ATP2A1: variants seen among roughly 807,000 people sequenced by gnomAD.
ATP2A1 encodes ATPase sarcoplasmic/endoplasmic reticulum Ca2+ transporting 1, also known as sarcoplasmic/endoplasmic reticulum calcium ATPase 1.
Under a neutral mutation model 109.5 loss-of-function variants are expected in ATP2A1, and 83 were observed. The ratio of observed to expected loss-of-function variants is 0.76; its 90% CI spans 0.63 to 0.91. The LOEUF is 0.91. ATP2A1 is among the 40% of genes least tolerant of loss of function. The pLI is 0.00. For missense variants in ATP2A1, 1,101 were observed against 1,341.0 expected, an observed-to-expected ratio of 0.82 and a Z score of 2.80; for synonymous variants, 505 against 537.6, an observed-to-expected ratio of 0.94 and a Z score of 0.84.
chr16:28,884,275 C>T (rs1007473035), intron 5 of ATP2A1, among the ~76,000 whole-genome samples: 3 of 152,172 alleles, frequency 2.0e-5, no homozygotes, highest in Non-Finnish European at 4.4e-5. Context: ...GAGCAGTACA[C>T]CTGCCCATCC....
chr16:28,879,140 T>A (rs1441691360), intron 2 of ATP2A1, 24 bp downstream of exon 2: 2 of 1,613,688 alleles, frequency 1.2e-6, no homozygotes, highest in Admixed American at 1.7e-5. Flanking sequence ...ATCCCTGAAC[T>A]CTCATAAATG....
Position 28,887,484 on chromosome 16 carries a change from C to G in ATP2A1, c.690C>G (p.Thr230=). 1.2e-6 allele frequency: 2 copies of G among 1,614,046 alleles called. No individual in the cohort carries two copies. Among genetic ancestry groups the G allele is most frequent in the South Asian group, 1.1e-5 (1 of 91,074 alleles). Reference sequence around the variant, plus strand: ...TCGTGGCCACCACTGGTGTGGGCACCGAGATTGGGAAGATCCGAGACCAAA... The same window carrying G: ...TCGTGGCCACCACTGGTGTGGGCACGGAGATTGGGAAGATCCGAGACCAAA... ...LGIVATTGVG[T]EIGKIRDQMA... is the part of the protein sequence containing the mutation. Residue 230 remains threonine (T), a synonymous_variant, in exon 8 of 23, where the codon ACC becomes ACG. Coordinates refer to ENST00000395503, the MANE Select transcript of ATP2A1 (RefSeq NM_004320.6).
At chr16:28,887,391 T>C (rs748859405) in intron 7 of ATP2A1, 34 bp from the exon 8 acceptor site, 1 of 1,613,888 alleles carries the variant, frequency 6.2e-7, no homozygotes, top group Non-Finnish European at 8.5e-7. Flanking sequence ...GGTCACCTCT[T>C]GCCTGATTCC....
chr16:28,897,895 C>A, intron 12 of ATP2A1, 105 bp from the exon 13 acceptor site: 1 of 1,429,218 alleles, frequency 7.0e-7, no homozygotes, highest in Non-Finnish European at 9.8e-7. Flanking sequence ...CTATAGGGAC[C>A]AGACTTAGTG....
At chr16:28,890,474 CCT>C (rs1438457590) in intron 9 of ATP2A1, among the ~76,000 whole-genome samples, 1 of 151,212 alleles carries the variant, frequency 6.6e-6, no homozygotes, top group Non-Finnish European at 1.5e-5. Flanking sequence ...AGAGCGAGAC[CCT>C]GTCTCACGCA....
At position 28,902,560 on chromosome 16, in the gene ATP2A1, C is replaced by T. The variant is rs751422462; in HGVS notation, c.2525-20C>T. ...CTATCTCCCCAGCCCTGACCCCCGACTCCCCTCTCTCCACCACAGGCTATG... is the reference window on the plus strand; with the variant it reads ...CTATCTCCCCAGCCCTGACCCCCGATTCCCCTCTCTCCACCACAGGCTATG... On this transcript the variant is annotated intron_variant, in intron 17 of 22. Transcript: ENST00000395503. The surrounding 1 kb of genome is among the most constrained non-coding windows in gnomAD (Gnocchi z 4.8). 1 of 1,612,986 alleles carries T rather than the reference C, an allele frequency of 6.2e-7. No homozygotes were observed. The highest frequency in any genetic ancestry group is 1.7e-5 in the Admixed American group (1 of 60,010).
rs1363027614 is a variant in ATP2A1 at position 28,880,439 on chromosome 16, GGC to G, written c.220-469_220-468del. On this transcript the variant is annotated intron_variant, in intron 3 of 22. Transcript: ENST00000395503. The surrounding 1 kb of genome is among the most constrained non-coding windows in gnomAD (Gnocchi z 4.2). The stretch of plus-strand genomic sequence containing the variant: ...CTGGCGGTGGCAACAGCTGGGGCGG[GGC>G]GCGCGCAGGAGGCCCCGTAACCCTA... Among the ~76,000 whole-genome samples the G allele has an allele frequency of 6.6e-6, 1 of 152,316 alleles. No individual in the cohort carries two copies. The highest frequency in any genetic ancestry group is 1.5e-5 in the Non-Finnish European group (1 of 68,022).
Position 28,903,621 on chromosome 16 carries a change from C to T in ATP2A1, c.2981-79C>T, listed in dbSNP as rs1207730485. On this transcript the variant is annotated intron_variant, in intron 21 of 22. Coordinates refer to ENST00000395503, the MANE Select transcript of ATP2A1 (RefSeq NM_004320.6). The surrounding 1 kb of genome is among the most constrained non-coding windows in gnomAD (Gnocchi z 5.6). ...ATCTCCGGGGCAGCCCCACTGCCTCCTCAGCCCCCACAGCCCCTATAGCCC... is the reference window on the plus strand; with the variant it reads ...ATCTCCGGGGCAGCCCCACTGCCTCTTCAGCCCCCACAGCCCCTATAGCCC... 2.4e-6 allele frequency: 3 copies of T among 1,259,272 alleles called. No homozygotes were observed. The highest frequency in any genetic ancestry group is 1.7e-5 in the Admixed American group (1 of 59,498). 78.0% of individuals were successfully genotyped at this position (1,259,272 alleles called of 1,614,324 possible). A position where few individuals can be genotyped will look rare whatever the true frequency, so the allele number is the denominator to read the frequency against.
chr16:28,878,752 C>G lies in ATP2A1; in HGVS notation c.81C>G (p.Asp27Glu), dbSNP rs769142323. The change falls in exon 1 of 23, where the codon GAC becomes GAG. Residue 27 changes from aspartate (D) to glutamate (E), a missense_variant. Coordinates refer to ENST00000395503, the MANE Select transcript of ATP2A1 (RefSeq NM_004320.6). ...GTGAGACCACGGGCCTCACCCCGGACCAAGTTAAGCGGAATCTGGAGAAAT... is the reference window on the plus strand; with the variant it reads ...GTGAGACCACGGGCCTCACCCCGGAGCAAGTTAAGCGGAATCTGGAGAAAT... ...GVSETTGLTP[D>E]QVKRNLEKYG... 6 of 1,613,722 alleles carry G rather than the reference C, an allele frequency of 3.7e-6. No individual in the cohort carries two copies. Among genetic ancestry groups the G allele is most frequent in the Non-Finnish European group, 5.1e-6 (6 of 1,179,920 alleles).
rs757474411 is a variant in ATP2A1, at chr16:28,898,066, G to A, written c.1486G>A (p.Val496Ile). Residue 496 changes from valine to isoleucine, a missense_variant, in exon 13 of 23, where the codon GTC becomes ATC. Physicochemically the swap from Val to Ile is conservative, Grantham distance 29. Coordinates refer to ENST00000395503, the MANE Select transcript of ATP2A1 (RefSeq NM_004320.6). The surrounding 1 kb of genome is among the most constrained non-coding windows in gnomAD (Gnocchi z 4.0). Reference protein sequence around the residue: ...EFSRDRKSMSVYCSPAKSSRA... With the variant: ...EFSRDRKSMSIYCSPAKSSRA... Reference sequence around the variant, plus strand: ...CTCCCGAGACAGAAAGTCCATGTCTGTCTATTGCTCCCCAGCCAAATCTTC... The same window carrying A: ...CTCCCGAGACAGAAAGTCCATGTCTATCTATTGCTCCCCAGCCAAATCTTC... 4 of 1,614,052 alleles carry A rather than the reference G, an allele frequency of 2.5e-6. No individual in the cohort carries two copies. The African/African-American group carries it at 5.3e-5, about 22-fold the overall frequency.
intron 9 of ATP2A1, 47 bp downstream of exon 9, chr16:28,889,000 G>A: frequency 6.2e-7 from 1 of 1,607,164 alleles, no homozygotes; most frequent in Non-Finnish European, 8.5e-7. Flanking sequence ...GCTGCCTGTG[G>A]GGGTTAAATG....
At chr16:28,899,865 C>T (rs1028139278) in intron 14 of ATP2A1, among the ~76,000 whole-genome samples, 15 of 148,208 alleles carry the variant, frequency 1.0e-4, no homozygotes, top group African/African-American at 3.7e-4. Flanking sequence ...GAGGCTGAGG[C>T]GGAGAATCGC....
In ATP2A1 at chr16:28,879,532, G is replaced by T; in HGVS notation, c.168G>T (p.Gln56His). 6.2e-7 allele frequency: 1 copy of T among 1,614,202 alleles called. No homozygotes were observed. Among genetic ancestry groups the T allele is most frequent in the Non-Finnish European group, 8.5e-7 (1 of 1,180,026 alleles). ...GKTLWELVIE[Q>H]FEDLLVRILL... ...CCCTGTGGGAGCTGGTGATAGAGCAGTTTGAAGACCTCCTGGTGCGGATTC... is the reference window on the plus strand; with the variant it reads ...CCCTGTGGGAGCTGGTGATAGAGCATTTTGAAGACCTCCTGGTGCGGATTC... The change falls in exon 3 of 23, where the codon CAG (glutamine) becomes CAT (histidine). Residue 56 changes from glutamine to histidine, a missense_variant. Gln to His is a conservative substitution (Grantham distance 24, BLOSUM62 0). Transcript: ENST00000395503.
intron 9 of ATP2A1, among the ~76,000 whole-genome samples, chr16:28,889,840 T>C (rs924166134): frequency 6.6e-6 from 1 of 152,192 alleles, no homozygotes; most frequent in African/African-American, 2.4e-5. Flanking sequence ...ATATTTCAAA[T>C]GTATATTAAT....
intron 15 of ATP2A1, among the ~76,000 whole-genome samples, chr16:28,901,559 G>C (rs2152214045): frequency 6.6e-6 from 1 of 152,260 alleles, no homozygotes; most frequent in Admixed American, 6.5e-5. Context: ...CTTGAACCTG[G>C]GAGGCGGAGG....
rs777301006 is a variant in ATP2A1 at position 28,894,843 on chromosome 16, G to T, written c.1309G>T (p.Val437Phe). The T allele has an allele frequency of 6.3e-7, 1 of 1,580,232 alleles. No individual in the cohort carries two copies. ...FNEAKGVYEK[V>F]GEATETALTT... ...TCAGGCCAAAGGTGTCTATGAGAAG[G>T]TCGGCGAGGCCACCGAGACAGCACT... Residue 437 changes from valine to phenylalanine, a missense_variant, in exon 12 of 23, where the codon GTC becomes TTC. Coordinates refer to ENST00000395503, the MANE Select transcript of ATP2A1 (RefSeq NM_004320.6).
intron 6 of ATP2A1, among the ~76,000 whole-genome samples, 178 bp downstream of exon 6, chr16:28,884,833 G>A (rs1452213729): frequency 6.6e-6 from 1 of 152,176 alleles, no homozygotes; most frequent in Non-Finnish European, 1.5e-5. Context: ...CTGTAGTCCT[G>A]ACTACTCAGG....
intron 4 of ATP2A1, among the ~76,000 whole-genome samples, chr16:28,882,031 G>A (rs1372791602): frequency 1.3e-5 from 2 of 150,674 alleles, no homozygotes; most frequent in Non-Finnish European, 2.9e-5. Flanking sequence ...TCTGCCTCCA[G>A]GTTCTGGTGA....
In ATP2A1 at chr16:28,902,408, A is replaced by G. The variant is rs199694107; in HGVS notation, c.2524+22A>G. 3.2e-5 allele frequency: 52 copies of G among 1,612,468 alleles called. No individual in the cohort carries two copies. In the East Asian group the frequency reaches 6.2e-4, roughly 19 times the overall value. ...GGGGGTGAGCTGGAGGGGTTCCTCG[A>G]TCCTCCCCACCCCTTGGGACTAACC... On this transcript the variant is annotated intron_variant, in intron 17 of 22. Coordinates refer to ENST00000395503, the MANE Select transcript of ATP2A1 (RefSeq NM_004320.6). The surrounding 1 kb of genome is among the most constrained non-coding windows in gnomAD (Gnocchi z 4.8).
Sources: allele counts gnomAD v4.1 joint callset (sites outside exome capture counted in the v4.1 genomes callset), GRCh38; gene constraint gnomAD v4.1.1; non-coding constraint Gnocchi (gnomAD v3.1); transcripts MANE v1.5; gene names NCBI Gene and HGNC (gene_info 2026-07-23, HGNC 2026-07-21).